The following FARP1 variants were observed in gnomAD, a reference collection of about 807,000 sequenced individuals.
FARP1 encodes the protein FERM, ARHGEF and pleckstrin domain-containing protein 1.
Under a neutral mutation model 128.8 loss-of-function variants are expected in FARP1, and 52 were observed. The ratio of observed to expected loss-of-function variants is 0.40; its 90% CI spans 0.32 to 0.51. FARP1 has a LOEUF of 0.51. FARP1 is among the 20% of genes least tolerant of loss of function. The pLI is 0.45. For missense variants in FARP1, 1,333 were observed against 1,367.9 expected, an observed-to-expected ratio of 0.97 and a Z score of 0.40; for synonymous variants, 580 against 551.8, an observed-to-expected ratio of 1.05 and a Z score of -0.72.
chr13:98,152,194 G>T (rs1446834774), intron 1 of FARP1, among the ~76,000 whole-genome samples: 2 of 152,162 alleles, frequency 1.3e-5, no homozygotes, highest in African/African-American at 4.8e-5. Context: ...CCCTCGGCAT[G>T]TTGATTTTTG....
At chr13:98,435,729 TGCACTGC>T (rs1256383911) in intron 19 of FARP1, 23 bp downstream of exon 19, 1 of 1,612,500 alleles carries the variant, frequency 6.2e-7, no homozygotes, top group Non-Finnish European at 8.5e-7. Flanking sequence ...GGCCTCACTA[TGCACTGC>T]GCGGGGAGCA....
At chr13:98,395,667 G>A (rs531114679) in intron 13 of FARP1, 191 bp downstream of exon 13, 14 of 663,098 alleles carry the variant, frequency 2.1e-5, no homozygotes, top group African/African-American at 1.8e-4. Context: ...TGTCCAGGGA[G>A]GAGGGGCGAA....
chr13:98,145,148 GC>G (rs1455560862), intron 1 of FARP1, among the ~76,000 whole-genome samples: 1 of 152,176 alleles, frequency 6.6e-6, no homozygotes, highest in Non-Finnish European at 1.5e-5. Flanking sequence ...GTGAGTAGAT[GC>G]CTTCCTAGCC....
chr13:98,422,700 G>A (rs1891638098), intron 16 of FARP1, among the ~76,000 whole-genome samples: 1 of 152,134 alleles, frequency 6.6e-6, no homozygotes, highest in Non-Finnish European at 1.5e-5. Flanking sequence ...TACCTCCTGG[G>A]TTTGCTTAAT....
intron 3 of FARP1, among the ~76,000 whole-genome samples, chr13:98,364,279 A>G (rs559878391): frequency 1.7e-4 from 26 of 152,194 alleles, no homozygotes; most frequent in Admixed American, 2.0e-4. Context: ...ATCTATCAGT[A>G]GAGTAAGATG....
intron 5 of FARP1, among the ~76,000 whole-genome samples, chr13:98,368,879 C>T (rs1479386611): frequency 2.6e-5 from 4 of 151,950 alleles, no homozygotes; most frequent in African/African-American, 9.6e-5. Flanking sequence ...TCATCACCAT[C>T]GTCATTATCA....
At chr13:98,370,298 G>A (rs776702574) in intron 5 of FARP1, among the ~76,000 whole-genome samples, 1 of 152,226 alleles carries the variant, frequency 6.6e-6, no homozygotes, top group Non-Finnish European at 1.5e-5. Context: ...AGTGTTGGGA[G>A]CGTCGTGGTG....
At chr13:98,299,834 G>A (rs1885850074) in intron 2 of FARP1, among the ~76,000 whole-genome samples, 1 of 152,074 alleles carries the variant, frequency 6.6e-6, no homozygotes, top group South Asian at 2.1e-4. Flanking sequence ...TTTAATAATC[G>A]GTACATTTAA....
chr13:98,293,511 C>A (rs1885536557), intron 2 of FARP1, among the ~76,000 whole-genome samples: 2 of 152,130 alleles, frequency 1.3e-5, no homozygotes, highest in Admixed American at 1.3e-4. Flanking sequence ...TGGTTGACAC[C>A]AGAATCCATG....
Position 98,264,822 on chromosome 13 carries a change from C to A in FARP1, c.171+51409C>A, listed in dbSNP as rs73556863. The stretch of plus-strand genomic sequence containing the variant: ...TAGTAATAATAAGAATTACTAATAT[C>A]GAATAGAATTACTATTCGATAGTAA... On this transcript the variant is annotated intron_variant, in intron 2 of 26. Coordinates refer to ENST00000319562, the MANE Select transcript of FARP1 (RefSeq NM_005766.4). Among the ~76,000 whole-genome samples, 7 of 152,016 alleles carry A rather than the reference C, an allele frequency of 4.6e-5. No homozygotes were observed. The East Asian group carries it at 9.6e-4, about 21-fold the overall frequency.
At chr13:98,226,626 C>T (rs1448137659) in intron 2 of FARP1, among the ~76,000 whole-genome samples, 1 of 152,182 alleles carries the variant, frequency 6.6e-6, no homozygotes. Flanking sequence ...CCCCAGTTTT[C>T]TGCTCTTGTT....
intron 8 of FARP1, among the ~76,000 whole-genome samples, chr13:98,386,928 G>A (rs660845): frequency 0.026 from 3,947 of 152,302 alleles, 181 homozygotes; most frequent in African/African-American, 0.09. Flanking sequence ...GAGTGACATT[G>A]TGAGAGCAGT....
intron 2 of FARP1, among the ~76,000 whole-genome samples, chr13:98,261,082 C>T (rs1050127783): frequency 4.6e-5 from 7 of 152,180 alleles, no homozygotes; most frequent in African/African-American, 1.2e-4. Context: ...CTCTGGTGTC[C>T]GCATCCTATG....
chr13:98,239,453 A>G (rs74553511), intron 2 of FARP1, among the ~76,000 whole-genome samples: 2,869 of 152,282 alleles, frequency 0.019, 99 homozygotes, highest in African/African-American at 0.065. Flanking sequence ...GATGTTGTTT[A>G]TATTTTATCC....
chr13:98,203,295 A>G (rs1880071226), intron 1 of FARP1, among the ~76,000 whole-genome samples: 1 of 152,140 alleles, frequency 6.6e-6, no homozygotes. Context: ...GTACAATTCA[A>G]AGGTTTTTAG....
intron 2 of FARP1, among the ~76,000 whole-genome samples, chr13:98,240,116 A>G (rs531000261): frequency 6.6e-6 from 1 of 152,076 alleles, no homozygotes; most frequent in Non-Finnish European, 1.5e-5. Context: ...CTACCCTTGC[A>G]CGGGGTCACC....
chr13:98,205,388 C>G (rs1880204382), intron 1 of FARP1, among the ~76,000 whole-genome samples: 1 of 151,878 alleles, frequency 6.6e-6, no homozygotes, highest in Admixed American at 6.6e-5. Flanking sequence ...TCTTCCATAT[C>G]TATCAGTTCT....
intron 2 of FARP1, among the ~76,000 whole-genome samples, chr13:98,337,599 G>C (rs182875849): frequency 7.1e-6 from 1 of 140,286 alleles, no homozygotes; most frequent in African/African-American, 2.6e-5. Context: ...TTTGAAATAA[G>C]TTAACCTTTA....
chr13:98,171,394 C>T (rs1415931405), intron 1 of FARP1, among the ~76,000 whole-genome samples: 1 of 152,206 alleles, frequency 6.6e-6, no homozygotes, highest in Non-Finnish European at 1.5e-5. Context: ...CATGAGCCTC[C>T]TGGGCTTTGG....
Sources: allele counts gnomAD v4.1 joint callset (sites outside exome capture counted in the v4.1 genomes callset), GRCh38; gene constraint gnomAD v4.1.1; transcripts MANE v1.5; gene names NCBI Gene and HGNC (gene_info 2026-07-23, HGNC 2026-07-21).